The following AP4S1 variants were observed in gnomAD, a reference collection of about 807,000 sequenced individuals.
The protein encoded by AP4S1 is AP-4 complex subunit sigma-1.
A neutral mutation model predicts 19.8 loss-of-function variants in AP4S1; 23 were observed. The ratio of observed to expected loss-of-function variants is 1.16; its 90% CI spans 0.84 to 1.65. The LOEUF is 1.65. Among genes scored for constraint, AP4S1 ranks in the 40% most tolerant of loss-of-function variants. The probability of loss-of-function intolerance (pLI) is 0.00; values close to 1 mark genes in which losing one functional copy is unlikely to be tolerated. For missense variants in AP4S1, 166 were observed against 172.8 expected, an observed-to-expected ratio of 0.96 and a Z score of 0.22; for synonymous variants, 46 against 54.1, an observed-to-expected ratio of 0.85 and a Z score of 0.66.
Position 31,087,399 on chromosome 14 carries a change from C to T in AP4S1, c.307-5508C>T, listed in dbSNP as rs142430909. Among the ~76,000 whole-genome samples the T allele has an allele frequency of 4.8e-4, 73 of 152,060 alleles. No individual in the cohort carries two copies. The East Asian group carries it at 0.012, about 25-fold the overall frequency. On this transcript the variant is annotated intron_variant, in intron 5 of 5. Coordinates refer to ENST00000542754, the MANE Select transcript of AP4S1 (RefSeq NM_001128126.3). The stretch of plus-strand genomic sequence containing the variant: ...TGAGACGGAGCTTTGCTCTGTTGTC[C>T]GTGCTGGAGTGCAGTGGTGCAATCT...
intron 1 of AP4S1, chr14:31,027,357 G>A (rs1566505608): frequency 6.6e-6 from 1 of 152,132 alleles, no homozygotes; most frequent in Non-Finnish European, 1.5e-5. Context: ...GTTCTCCTGG[G>A]TCATTAAATG....
At chr14:31,026,120 C>G in intron 1 of AP4S1, 1 of 1,506,190 alleles carries the variant, frequency 6.6e-7, no homozygotes, top group South Asian at 1.2e-5. Flanking sequence ...CCCCAGGTCC[C>G]TGCTGCTGCC....
At chr14:31,065,730 G>A (rs182624642) in intron 1 of AP4S1, among the ~76,000 whole-genome samples, 5 of 151,918 alleles carry the variant, frequency 3.3e-5, no homozygotes, top group South Asian at 2.1e-4. Flanking sequence ...GCGCAATCTC[G>A]GCTCACTGCA....
At chr14:31,041,270 C>G (rs1885098112) in intron 1 of AP4S1, among the ~76,000 whole-genome samples, 1 of 151,908 alleles carries the variant, frequency 6.6e-6, no homozygotes, top group South Asian at 2.1e-4. Flanking sequence ...CTGCCACAGC[C>G]TCCCTAGTAG....
At chr14:31,031,783 C>T (rs1050899463) in intron 1 of AP4S1, among the ~76,000 whole-genome samples, 5 of 152,160 alleles carry the variant, frequency 3.3e-5, no homozygotes, top group African/African-American at 1.2e-4. Flanking sequence ...TTAAAGCTCA[C>T]GTTCGAAACT....
intron 1 of AP4S1, among the ~76,000 whole-genome samples, chr14:31,060,850 A>G (rs182363179): frequency 6.8e-4 from 104 of 152,192 alleles, no homozygotes; most frequent in Non-Finnish European, 1.4e-3. Flanking sequence ...TCAGGCATCT[A>G]GTGAAATATG....
intron 5 of AP4S1, among the ~76,000 whole-genome samples, chr14:31,081,137 A>G (rs1171999287): frequency 6.6e-6 from 1 of 152,118 alleles, no homozygotes; most frequent in Admixed American, 6.6e-5. Context: ...TAGCGCTATC[A>G]TAGTAGTTAA....
Position 31,069,820 on chromosome 14 carries a change from A to G in AP4S1, c.139-23A>G, listed in dbSNP as rs1886903675. On this transcript the variant is annotated intron_variant, in intron 2 of 5. Coordinates refer to ENST00000542754, the MANE Select transcript of AP4S1 (RefSeq NM_001128126.3). ...AACTCTCTCTCAGCCACAGGAATTA[A>G]TATCTCATTGTGTTTTGTCTAGTGC... 3 of 1,560,234 alleles carry G rather than the reference A, an allele frequency of 1.9e-6. No individual in the cohort carries two copies. The African/African-American group carries it at 4.1e-5, about 21-fold the overall frequency.
intron 1 of AP4S1, 63 bp downstream of exon 1, chr14:31,025,850 C>T (rs1023596248): frequency 1.9e-6 from 3 of 1,561,820 alleles, no homozygotes; most frequent in African/African-American, 2.7e-5. Context: ...AGCCCCACCC[C>T]CCGGCCGGGA....
chr14:31,060,016 T>A (rs1886344011), intron 1 of AP4S1, among the ~76,000 whole-genome samples: 2 of 146,730 alleles, frequency 1.4e-5, no homozygotes, highest in African/African-American at 5.0e-5. Flanking sequence ...TATGTATATA[T>A]GTATATATAT....
chr14:31,030,660 T>C (rs1884335794), intron 1 of AP4S1, among the ~76,000 whole-genome samples: 1 of 152,138 alleles, frequency 6.6e-6, no homozygotes, highest in African/African-American at 2.4e-5. Flanking sequence ...GTTTTTTTTA[T>C]TTTTTAAGAA....
intron 1 of AP4S1, among the ~76,000 whole-genome samples, chr14:31,064,349 A>G (rs989323001): frequency 2.0e-5 from 3 of 152,022 alleles, no homozygotes; most frequent in African/African-American, 7.2e-5. Flanking sequence ...CCCGGGCTCA[A>G]GAGATTCTCC....
chr14:31,088,096 G>A (rs1459784919), intron 5 of AP4S1, among the ~76,000 whole-genome samples: 1 of 152,140 alleles, frequency 6.6e-6, no homozygotes, highest in Non-Finnish European at 1.5e-5. Flanking sequence ...GTCTTGGATA[G>A]GAACAGTCCC....
intron 3 of AP4S1, among the ~76,000 whole-genome samples, chr14:31,071,272 C>T (rs937144370): frequency 2.0e-5 from 3 of 152,082 alleles, no homozygotes; most frequent in Non-Finnish European, 4.4e-5. Context: ...GTGGTTTTCC[C>T]ATCTTCACAG....
At chr14:31,083,736 C>T (rs925617292) in intron 5 of AP4S1, 2 of 342,032 alleles carry the variant, frequency 5.8e-6, no homozygotes, top group African/African-American at 4.3e-5. Context: ...TCTCAAACTT[C>T]TGGGCTCAAG....
chr14:31,026,379 T>C, intron 1 of AP4S1: 1 of 195,068 alleles, frequency 5.1e-6, no homozygotes, highest in Non-Finnish European at 9.5e-6. Flanking sequence ...CTCCTCCATC[T>C]GCCCGTCTCA....
chr14:31,026,285 C>A lies in AP4S1; in HGVS notation c.-72+498C>A, dbSNP rs924589225. The A allele has an allele frequency of 7.2e-6, 9 of 1,257,992 alleles. No homozygotes were observed. In the African/African-American group the frequency reaches 1.3e-4, roughly 18 times the overall value. 77.9% of individuals were successfully genotyped at this position (1,257,992 alleles called of 1,614,324 possible). A position where few individuals can be genotyped will look rare whatever the true frequency, so the allele number is the denominator to read the frequency against. On this transcript the variant is annotated intron_variant, in intron 1 of 5. Coordinates refer to ENST00000542754, the MANE Select transcript of AP4S1 (RefSeq NM_001128126.3). ...CGCTGGCTGCGGGGCGGAGGCCGGCCGGGAGAGGGGCGGGGAAGGGGTCGT... is the reference window on the plus strand; with the variant it reads ...CGCTGGCTGCGGGGCGGAGGCCGGCAGGGAGAGGGGCGGGGAAGGGGTCGT...
At chr14:31,030,054 C>T (rs1321878289) in intron 1 of AP4S1, among the ~76,000 whole-genome samples, 1 of 151,810 alleles carries the variant, frequency 6.6e-6, no homozygotes, top group African/African-American at 2.4e-5. Context: ...AATCTTGGCT[C>T]ACTCCAGCTT....
At chr14:31,077,749 T>C (rs1887440208) in intron 4 of AP4S1, among the ~76,000 whole-genome samples, 1 of 150,378 alleles carries the variant, frequency 6.6e-6, no homozygotes, top group East Asian at 1.9e-4. Flanking sequence ...CTTTTTTTTT[T>C]TTTTTGAGAT....
Sources: allele counts gnomAD v4.1 joint callset (sites outside exome capture counted in the v4.1 genomes callset), GRCh38; gene constraint gnomAD v4.1.1; transcripts MANE v1.5; gene names NCBI Gene and HGNC (gene_info 2026-07-23, HGNC 2026-07-21).